Variants in NOB1 observed in about 807,000 individuals in gnomAD.
The protein encoded by NOB1 is RNA-binding protein NOB1.
Under a neutral mutation model 44.8 loss-of-function variants are expected in NOB1, and 44 were observed. The observed-to-expected ratio is 0.98, with a 90% CI of 0.77 to 1.26. NOB1 has a LOEUF of 1.26. Ranked by LOEUF, NOB1 falls within the 50% of genes most tolerant of loss-of-function variation. The pLI, the probability that NOB1 is intolerant of heterozygous loss-of-function variation, is 0.00. For synonymous variants in NOB1, 238 were observed against 218.7 expected (o/e 1.09, Z -0.78); for missense variants, 560 against 544.8 (o/e 1.03, Z -0.28).
chr16:69,751,700 C>T (rs542168872), intron 3 of NOB1, among the ~76,000 whole-genome samples: 25 of 152,290 alleles, frequency 1.6e-4, no homozygotes, highest in South Asian at 1.0e-3. Context: ...TTTTAAGAGT[C>T]TTGATCTTTA....
intron 6 of NOB1, 98 bp from the exon 7 acceptor site, chr16:69,748,427 C>A: frequency 8.7e-7 from 1 of 1,154,808 alleles, no homozygotes; most frequent in South Asian, 1.4e-5. Flanking sequence ...TGCCCATATT[C>A]CTTGGCTTTT....
Position 69,754,576 on chromosome 16 carries a change from TA to T in NOB1, c.196+17del, listed in dbSNP as rs777069186. The T allele has an allele frequency of 6.2e-7, 1 of 1,613,602 alleles. No homozygotes were observed. The highest frequency in any genetic ancestry group is 1.1e-5 in the South Asian group (1 of 91,062). On this transcript the variant is annotated intron_variant, in intron 2 of 8. Transcript: ENST00000268802. ...CTGGACCCCAGCTTCCCGTCAACGC[TA>T]GGGCAGAGGCACTCACCCAGCCGCA... is the stretch of plus-strand genomic sequence containing the variant.
At position 69,754,897 on chromosome 16, in the gene NOB1, TCCACTGGAG is replaced by T. The variant is rs1405661244; in HGVS notation, c.5_13del (p.Ala2_Val4del). On this transcript the variant is annotated inframe_deletion, in exon 1 of 9. Transcript: ENST00000268802. ...AGCCCCAGCATCCGCCACAACGTGC[TCCACTGGAG>T]CCATGTTGGCTGCGTGAGAGGGGAG... is the stretch of plus-strand genomic sequence containing the variant. 1.4e-5 allele frequency: 22 copies of T among 1,590,388 alleles called. No individual in the cohort carries two copies. The highest frequency in any genetic ancestry group is 1.8e-5 in the Admixed American group (1 of 55,886).
chr16:69,753,637 T>G (rs1414134275), intron 2 of NOB1, among the ~76,000 whole-genome samples: 1 of 152,160 alleles, frequency 6.6e-6, no homozygotes, highest in Non-Finnish European at 1.5e-5. Context: ...ACTAAGTTGG[T>G]GGAGAAAATC....
chr16:69,749,262 A>G lies in NOB1; in HGVS notation c.476T>C (p.Phe159Ser). 1 of 1,613,310 alleles carries G rather than the reference A, an allele frequency of 6.2e-7. No homozygotes were observed. The highest frequency in any genetic ancestry group is 1.3e-5 in the African/African-American group (1 of 74,980). The stretch of plus-strand genomic sequence containing the variant: ...GATGTTGGGCAAAGGGTTTCTCCAG[A>G]ACATGAAGGAACTAAATTCCAGGTT... ...PENLEFSSFM[F>S]WRNPLPNIDH... The change falls in exon 5 of 9, where the codon TTC becomes TCC. Residue 159 changes from phenylalanine (F) to serine (S), a missense_variant. Phe to Ser is a radical substitution (Grantham distance 155, BLOSUM62 -2). Transcript: ENST00000268802.
chr16:69,744,619 C>G (rs1243371485), intron 8 of NOB1, among the ~76,000 whole-genome samples: 1 of 152,130 alleles, frequency 6.6e-6, no homozygotes, highest in Non-Finnish European at 1.5e-5. Flanking sequence ...CTGCACAAAT[C>G]TAACCTCCGC....
chr16:69,743,767 C>T (rs1170346160), intron 8 of NOB1, among the ~76,000 whole-genome samples: 1 of 152,202 alleles, frequency 6.6e-6, no homozygotes, highest in Non-Finnish European at 1.5e-5. Context: ...AAAAAATCCC[C>T]TTCTTTTGTC....
At chr16:69,752,422 C>T in intron 2 of NOB1, 51 bp from the exon 3 acceptor site, 3 of 1,581,376 alleles carry the variant, frequency 1.9e-6, no homozygotes, top group Non-Finnish European at 2.6e-6. Context: ...GCCATATGAC[C>T]TTGGATAACC....
chr16:69,744,932 C>T lies in NOB1; in HGVS notation c.910G>A (p.Gly304Ser), dbSNP rs375951032. The T allele has an allele frequency of 1.7e-5, 28 of 1,614,040 alleles. No homozygotes were observed. Among genetic ancestry groups the T allele is most frequent in the African/African-American group, 1.3e-4 (10 of 74,934 alleles). The change falls in exon 8 of 9, where the codon GGC (glycine) becomes AGC (serine). Residue 304 changes from glycine (G) to serine (S), a missense_variant. Gly to Ser is a moderately conservative substitution (Grantham distance 56). Transcript: ENST00000268802. The part of the protein sequence containing the change: ...KKVSVTVSDD[G>S]TLHMHFSRNP... ...CGGGAGAAGTGCATGTGCAGGGTGC[C>T]GTCGTCGCTGACGGTCACGGACACT...
chr16:69,751,354 G>A (rs1273951070), intron 3 of NOB1, among the ~76,000 whole-genome samples: 4 of 56,586 alleles, frequency 7.1e-5, no homozygotes, highest in Non-Finnish European at 1.5e-4. Context: ...CAGATATATA[G>A]ATTTTTATTC....
chr16:69,749,684 G>GTTT, intron 3 of NOB1, 54 bp from the exon 4 acceptor site: 113 of 1,205,658 alleles, frequency 9.4e-5, no homozygotes, highest in Non-Finnish European at 1.0e-4. Flanking sequence ...AAGATATCCA[G>GTTT]TTTTTTTTTT....
chr16:69,743,658 G>GT (rs1377280922), intron 8 of NOB1, among the ~76,000 whole-genome samples: 7 of 151,948 alleles, frequency 4.6e-5, no homozygotes, highest in African/African-American at 1.5e-4. Context: ...CTCTTCAAAA[G>GT]TGTCAAGGTC....
At chr16:69,751,985 A>G (rs1267413500) in intron 3 of NOB1, among the ~76,000 whole-genome samples, 1 of 152,138 alleles carries the variant, frequency 6.6e-6, no homozygotes, top group Non-Finnish European at 1.5e-5. Flanking sequence ...GAATCGCTTG[A>G]ACCCAGGAGG....
intron 8 of NOB1, 79 bp from the exon 9 acceptor site, chr16:69,742,680 G>T: frequency 7.0e-7 from 1 of 1,427,082 alleles, no homozygotes; most frequent in Admixed American, 1.8e-5. Context: ...AGGTGCAGCC[G>T]ACCTTGCAGA....
chr16:69,754,804 C>G (rs1337394646), intron 1 of NOB1, 44 bp downstream of exon 1: 1 of 1,609,114 alleles, frequency 6.2e-7, no homozygotes, highest in South Asian at 1.1e-5. Context: ...CCGGGAGGGG[C>G]GGCCAGCCCA....
chr16:69,744,810 T>C, intron 8 of NOB1, 63 bp downstream of exon 8: 1 of 1,567,768 alleles, frequency 6.4e-7, no homozygotes, highest in Non-Finnish European at 8.6e-7. Context: ...CTAGGTTTTC[T>C]TTTGTCCTTT....
intron 8 of NOB1, 26 bp from the exon 9 acceptor site, chr16:69,742,627 T>C (rs367552772): frequency 4.3e-6 from 7 of 1,610,548 alleles, no homozygotes; most frequent in South Asian, 3.3e-5. Context: ...GGAAGGGCCA[T>C]TAGAAGAAGG....
At chr16:69,752,914 G>A (rs750859709) in intron 2 of NOB1, among the ~76,000 whole-genome samples, 4 of 150,676 alleles carry the variant, frequency 2.7e-5, no homozygotes, top group African/African-American at 4.9e-5. Flanking sequence ...CAGCCTGGGC[G>A]ACAGAGTGAG....
intron 2 of NOB1, among the ~76,000 whole-genome samples, chr16:69,753,689 C>T (rs1206386761): frequency 6.6e-6 from 1 of 152,216 alleles, no homozygotes; most frequent in Non-Finnish European, 1.5e-5. Flanking sequence ...TCTCCACTAT[C>T]AGCCTCTAAC....
Sources: gnomAD v4.1 joint callset for allele counts (sites outside exome capture counted in the v4.1 genomes callset) on GRCh38, gnomAD v4.1.1 for gene constraint, MANE v1.5 for transcripts, NCBI Gene and HGNC (gene_info 2026-07-23, HGNC 2026-07-21) for gene names.